Variants in QTMAN observed in about 807,000 individuals in gnomAD.
The protein encoded by QTMAN is tRNA-queuosine alpha-mannosyltransferase.
chr2:144,147,653 A>G, the QTMAN span, among the ~76,000 whole-genome samples: 1 of 151,880 alleles, frequency 6.6e-6, no homozygotes, highest in Admixed American at 6.6e-5. Context: ...CACCTGGGCA[A>G]GCATAATGTT....
At chr2:144,205,696 G>A in the QTMAN span, among the ~76,000 whole-genome samples, 2 of 152,146 alleles carry the variant, frequency 1.3e-5, no homozygotes, top group African/African-American at 2.4e-5. Context: ...CTAAATAACA[G>A]AGATTCTTTC....
chr2:143,986,684 T>G, the QTMAN span, among the ~76,000 whole-genome samples: 15 of 152,230 alleles, frequency 9.9e-5, no homozygotes, highest in Non-Finnish European at 2.2e-4. Context: ...TTGGGTTTCA[T>G]TTTGGAAAAG....
the QTMAN span, among the ~76,000 whole-genome samples, chr2:144,242,844 C>A: frequency 6.6e-6 from 1 of 151,260 alleles, no homozygotes; most frequent in African/African-American, 2.4e-5. Flanking sequence ...TGGCTGCAGT[C>A]CCAGCACTTT....
the QTMAN span, among the ~76,000 whole-genome samples, chr2:144,227,444 A>G: frequency 6.6e-6 from 1 of 152,160 alleles, no homozygotes; most frequent in East Asian, 1.9e-4. Context: ...ATTCCACAAA[A>G]TTTAGTCCAC....
the QTMAN span, among the ~76,000 whole-genome samples, chr2:144,105,990 A>G: frequency 6.6e-6 from 1 of 152,208 alleles, no homozygotes; most frequent in South Asian, 2.1e-4. Context: ...CCAGAATTTC[A>G]TATCCAGCCA....
chr2:144,013,701 A>G, the QTMAN span, among the ~76,000 whole-genome samples: 1 of 152,176 alleles, frequency 6.6e-6, no homozygotes, highest in East Asian at 1.9e-4. Context: ...GGAAAATAGA[A>G]ATTAAAATAA....
chr2:143,985,440 A>G, the QTMAN span, among the ~76,000 whole-genome samples: 1 of 152,268 alleles, frequency 6.6e-6, no homozygotes, highest in East Asian at 1.9e-4. Flanking sequence ...GGAGCATTAC[A>G]CAAGTACATT....
chr2:144,127,223 A>G, the QTMAN span, among the ~76,000 whole-genome samples: 19 of 152,028 alleles, frequency 1.2e-4, no homozygotes, highest in Non-Finnish European at 2.1e-4. Context: ...GTTATTGATC[A>G]TAACAGCCCT....
chr2:144,251,708 CA>C, the QTMAN span, among the ~76,000 whole-genome samples: 11 of 150,630 alleles, frequency 7.3e-5, no homozygotes, highest in African/African-American at 1.7e-4. Flanking sequence ...TGATCCATGA[CA>C]AAAAAAAAGT....
chr2:144,024,436 A>G, the QTMAN span, among the ~76,000 whole-genome samples: 1 of 152,184 alleles, frequency 6.6e-6, no homozygotes, highest in East Asian at 1.9e-4. Flanking sequence ...ATGCTTCTGT[A>G]TACTGCTGTG....
the QTMAN span, among the ~76,000 whole-genome samples, chr2:144,150,402 A>C: frequency 1.3e-5 from 2 of 151,980 alleles, no homozygotes. Flanking sequence ...AAAATGTTCT[A>C]TATCTGTACT....
At chr2:144,270,812 TAAAGTA>T in the QTMAN span, among the ~76,000 whole-genome samples, 10 of 152,006 alleles carry the variant, frequency 6.6e-5, no homozygotes, top group African/African-American at 2.4e-4. Flanking sequence ...TCCCAGAACT[TAAAGTA>T]AAACAAAAAA....
the QTMAN span, among the ~76,000 whole-genome samples, chr2:144,058,653 G>C: frequency 1.3e-5 from 2 of 152,030 alleles, no homozygotes; most frequent in African/African-American, 4.8e-5. Context: ...GAGTTCTAGA[G>C]ACATGTATTA....
the QTMAN span, among the ~76,000 whole-genome samples, chr2:144,201,556 T>C: frequency 2.0e-5 from 3 of 152,308 alleles, no homozygotes; most frequent in Admixed American, 6.5e-5. Flanking sequence ...AGCAAATGGA[T>C]ATAGGCACTA....
the QTMAN span, among the ~76,000 whole-genome samples, chr2:144,132,164 C>T: frequency 6.6e-6 from 1 of 151,812 alleles, no homozygotes; most frequent in South Asian, 2.1e-4. Flanking sequence ...TTGTATTTAG[C>T]ACATAAATAA....
chr2:144,040,330 TTTA>T, the QTMAN span, among the ~76,000 whole-genome samples: 2 of 152,074 alleles, frequency 1.3e-5, no homozygotes, highest in African/African-American at 4.8e-5. Context: ...ATTGTCTTAC[TTTA>T]TTATCACTTG....
At chr2:144,214,883 A>G in the QTMAN span, among the ~76,000 whole-genome samples, 1 of 152,172 alleles carries the variant, frequency 6.6e-6, no homozygotes, top group Non-Finnish European at 1.5e-5. Flanking sequence ...TGTATTTGTG[A>G]TAATTTAATT....
chr2:144,092,467 G>T, the QTMAN span, among the ~76,000 whole-genome samples: 1 of 152,154 alleles, frequency 6.6e-6, no homozygotes, highest in South Asian at 2.1e-4. Context: ...GAGCCACCAC[G>T]CCTGGCCAAA....
the QTMAN span, among the ~76,000 whole-genome samples, chr2:144,132,562 T>A: frequency 6.6e-6 from 1 of 152,108 alleles, no homozygotes; most frequent in Non-Finnish European, 1.5e-5. Flanking sequence ...CAGCTGTACA[T>A]GTGACCTTTC....
Sources: gnomAD v4.1 joint callset for allele counts (sites outside exome capture counted in the v4.1 genomes callset) on GRCh38, gnomAD v4.1.1 for gene constraint, MANE v1.5 for transcripts, NCBI Gene and HGNC (gene_info 2026-07-23, HGNC 2026-07-21) for gene names.